The following FAM227B variants were observed in gnomAD, a reference collection of about 807,000 sequenced individuals.
FAM227B encodes the protein protein FAM227B.
In FAM227B, 88 loss-of-function variants were observed where a neutral mutation model predicts 73.8. That is an observed-to-expected ratio of 1.19 (90% CI 1.00 to 1.42). FAM227B has a LOEUF of 1.42. Among genes scored for constraint, FAM227B ranks in the 40% most tolerant of loss-of-function variants. The pLI is 0.00. For synonymous variants in FAM227B, 210 were observed against 190.5 expected (o/e 1.10, Z -0.84); for missense variants, 632 against 590.9 (o/e 1.07, Z -0.72).
At chr15:49,583,472 C>T (rs1306727191) in intron 5 of FAM227B, among the ~76,000 whole-genome samples, 1 of 152,006 alleles carries the variant, frequency 6.6e-6, no homozygotes, top group Non-Finnish European at 1.5e-5. Flanking sequence ...AATGACATGA[C>T]AATGTCAGGA....
chr15:49,338,916 A>G (rs1480317863), intron 13 of FAM227B, among the ~76,000 whole-genome samples: 1 of 152,086 alleles, frequency 6.6e-6, no homozygotes, highest in Admixed American at 6.6e-5. Context: ...CGCTTGATCA[A>G]TTCAGCTATT....
At position 49,356,158 on chromosome 15, in the gene FAM227B, G is replaced by A. The variant is rs531271804; in HGVS notation, c.1271+11290C>T. The stretch of plus-strand genomic sequence containing the variant: ...ATCATGCCAAAATGTAAAGACCATC[G>A]AGACTAGGAAGAAACTGCATCAACT... On this transcript the variant is annotated intron_variant, in intron 13 of 15. Transcript: ENST00000299338. 8.0e-4 allele frequency among the ~76,000 whole-genome samples: 121 copies of A among 152,082 alleles called. 1 individual carries two copies. Among genetic ancestry groups the A allele is most frequent in the South Asian group, 6.5e-3 (31 of 4,806 alleles).
intron 9 of FAM227B, among the ~76,000 whole-genome samples, chr15:49,553,751 C>A (rs1158286618): frequency 1.3e-5 from 2 of 152,180 alleles, no homozygotes; most frequent in Non-Finnish European, 1.5e-5. Context: ...CTTAAATCAG[C>A]TCTTGTTGAA....
intron 11 of FAM227B, among the ~76,000 whole-genome samples, chr15:49,383,225 A>T (rs1050463825): frequency 3.3e-5 from 5 of 152,176 alleles, no homozygotes; most frequent in African/African-American, 1.2e-4. Context: ...AAACATTAAT[A>T]TACAGGCATA....
chr15:49,593,805 T>A (rs1490898863), intron 3 of FAM227B, among the ~76,000 whole-genome samples: 1 of 152,232 alleles, frequency 6.6e-6, no homozygotes, highest in Non-Finnish European at 1.5e-5. Flanking sequence ...CTATGGTATA[T>A]GTACACCACA....
At chr15:49,435,917 G>A (rs932469297) in intron 11 of FAM227B, among the ~76,000 whole-genome samples, 1 of 151,516 alleles carries the variant, frequency 6.6e-6, no homozygotes, top group African/African-American at 2.4e-5. Flanking sequence ...GTGAATAAAT[G>A]TAAGTATATA....
intron 11 of FAM227B, among the ~76,000 whole-genome samples, chr15:49,493,218 T>A (rs2057274798): frequency 6.6e-6 from 1 of 151,986 alleles, no homozygotes; most frequent in Non-Finnish European, 1.5e-5. Context: ...TTACCTAATA[T>A]TCCTAAAATG....
chr15:49,403,482 C>G (rs2048311543), intron 11 of FAM227B, among the ~76,000 whole-genome samples: 1 of 152,058 alleles, frequency 6.6e-6, no homozygotes, highest in Non-Finnish European at 1.5e-5. Context: ...CTTCCTGGTT[C>G]AGTCTTGGGA....
intron 11 of FAM227B, among the ~76,000 whole-genome samples, chr15:49,400,790 C>T (rs1196351714): frequency 2.0e-5 from 3 of 150,964 alleles, no homozygotes; most frequent in African/African-American, 4.9e-5. Flanking sequence ...GGAAAACTGG[C>T]TAGCCATATG....
chr15:49,603,593 T>G (rs1002241197), intron 3 of FAM227B, among the ~76,000 whole-genome samples: 2 of 152,200 alleles, frequency 1.3e-5, no homozygotes, highest in African/African-American at 2.4e-5. Context: ...AGAATTTGAC[T>G]TTTTCCTTTC....
chr15:49,539,394 G>A (rs2070736991), intron 10 of FAM227B, among the ~76,000 whole-genome samples: 1 of 152,186 alleles, frequency 6.6e-6, no homozygotes, highest in Admixed American at 6.5e-5. Context: ...CATCTTCGTG[G>A]TGGTAGTAGT....
intron 3 of FAM227B, among the ~76,000 whole-genome samples, chr15:49,610,675 G>A (rs1404946147): frequency 1.3e-5 from 2 of 151,926 alleles, no homozygotes; most frequent in Admixed American, 1.3e-4. Flanking sequence ...ATTCCTCAAT[G>A]CAAAACAAAT....
chr15:49,450,231 GAAC>G (rs927700530), intron 11 of FAM227B, among the ~76,000 whole-genome samples: 11 of 152,040 alleles, frequency 7.2e-5, no homozygotes, highest in African/African-American at 2.7e-4. Context: ...AATAACAATT[GAAC>G]AACTGATGAA....
At chr15:49,328,911 A>C (rs1048331363) in intron 15 of FAM227B, 147 of 1,227,986 alleles carry the variant, frequency 1.2e-4, no homozygotes, top group Non-Finnish European at 1.5e-4. Context: ...TAATAGAAAA[A>C]CTTAGATAAA....
intron 9 of FAM227B, among the ~76,000 whole-genome samples, chr15:49,560,668 A>T (rs62021585): frequency 0.28 from 42,088 of 151,982 alleles, 6,052 homozygotes; most frequent in East Asian, 0.38. Flanking sequence ...CATCAGGCTT[A>T]CAGCAGACCT....
chr15:49,421,077 A>G (rs888230939), intron 11 of FAM227B, among the ~76,000 whole-genome samples: 1 of 152,232 alleles, frequency 6.6e-6, no homozygotes, highest in Non-Finnish European at 1.5e-5. Flanking sequence ...AAAAAAAGAC[A>G]ATAGTTCAAA....
intron 11 of FAM227B, among the ~76,000 whole-genome samples, chr15:49,444,969 T>TATTCATATTCATTCTG (rs1358728806): frequency 1.1e-4 from 16 of 151,604 alleles, no homozygotes; most frequent in Admixed American, 1.1e-3. Flanking sequence ...AATATTCATG[T>TATTCATATTCATTCTG]ATTCATATTC....
chr15:49,406,159 T>A lies in FAM227B; in HGVS notation c.1013-34760A>T, dbSNP rs2048494826. The stretch of plus-strand genomic sequence containing the variant: ...GCTCCCAGACCACTGGTCACTGCAT[T>A]CTGATGGGTGGTGTCGGTCAAAGCT... On this transcript the variant is annotated intron_variant, in intron 11 of 15. Coordinates refer to ENST00000299338, the MANE Select transcript of FAM227B (RefSeq NM_152647.3). Among the ~76,000 whole-genome samples the A allele has an allele frequency of 5.3e-5, 8 of 152,098 alleles. 1 individual carries two copies. The highest frequency in any genetic ancestry group is 5.2e-4 in the Admixed American group (8 of 15,266).
intron 11 of FAM227B, among the ~76,000 whole-genome samples, chr15:49,481,439 G>T (rs2055935015): frequency 6.6e-6 from 1 of 152,174 alleles, no homozygotes. Context: ...TTACCAAATA[G>T]AGTGCTCTAA....
Sources: gnomAD v4.1 joint callset for allele counts (sites outside exome capture counted in the v4.1 genomes callset) on GRCh38, gnomAD v4.1.1 for gene constraint, MANE v1.5 for transcripts, NCBI Gene and HGNC (gene_info 2026-07-23, HGNC 2026-07-21) for gene names.